Variants in TMEM232 observed in about 807,000 individuals in gnomAD.
The protein encoded by TMEM232 is transmembrane protein 232.
A neutral mutation model predicts 78.8 loss-of-function variants in TMEM232; 80 were observed. The observed-to-expected ratio is 1.01, with a 90% CI of 0.85 to 1.22. The LOEUF (loss-of-function observed/expected upper bound fraction) is 1.22. Ranked by LOEUF, TMEM232 falls within the 50% of genes most tolerant of loss-of-function variation. TMEM232 has a pLI of 0.00. For missense variants in TMEM232, 881 were observed against 742.2 expected, an observed-to-expected ratio of 1.19 and a Z score of -2.17; for synonymous variants, 297 against 254.3, an observed-to-expected ratio of 1.17 and a Z score of -1.60.
intron 6 of TMEM232, among the ~76,000 whole-genome samples, chr5:110,626,456 A>G (rs1039575791): frequency 4.6e-5 from 7 of 152,046 alleles, no homozygotes; most frequent in Non-Finnish European, 1.0e-4. Context: ...ATTAGTCTCC[A>G]TAACACTTCT....
intron 4 of TMEM232, among the ~76,000 whole-genome samples, chr5:110,640,035 G>C (rs1786450325): frequency 6.6e-6 from 1 of 152,176 alleles, no homozygotes; most frequent in African/African-American, 2.4e-5. Flanking sequence ...CCTCGGGTTG[G>C]GCAAGGGCCA....
At chr5:110,507,918 G>C (rs1296729375) in intron 12 of TMEM232, among the ~76,000 whole-genome samples, 1 of 152,076 alleles carries the variant, frequency 6.6e-6, no homozygotes, top group Non-Finnish European at 1.5e-5. Flanking sequence ...ATTACTATAT[G>C]TGACTTTTTT....
At chr5:110,609,132 A>T (rs964969016) in intron 8 of TMEM232, among the ~76,000 whole-genome samples, 1 of 152,048 alleles carries the variant, frequency 6.6e-6, no homozygotes, top group Non-Finnish European at 1.5e-5. Context: ...TTTAATTTTT[A>T]AATGGAATTA....
intron 12 of TMEM232, among the ~76,000 whole-genome samples, chr5:110,506,792 A>G (rs143031045): frequency 1.0e-3 from 153 of 152,306 alleles, no homozygotes; most frequent in Non-Finnish European, 1.9e-3. Flanking sequence ...TGGGAAGGAG[A>G]TAAAGTTCCT....
intron 2 of TMEM232, among the ~76,000 whole-genome samples, chr5:110,657,999 A>G (rs1296978598): frequency 6.6e-6 from 1 of 152,192 alleles, no homozygotes; most frequent in Non-Finnish European, 1.5e-5. Context: ...CAGCAGAATG[A>G]AAGAAAGGTC....
downstream of TMEM232, among the ~76,000 whole-genome samples, chr5:110,418,569 A>AT (rs1208320102): frequency 7.2e-5 from 11 of 152,044 alleles, no homozygotes. Context: ...ATATATAAAT[A>AT]TTTTTTTAGC....
chr5:110,505,652 G>A (rs1205252513), intron 12 of TMEM232, among the ~76,000 whole-genome samples: 1 of 152,058 alleles, frequency 6.6e-6, no homozygotes, highest in African/African-American at 2.4e-5. Flanking sequence ...AACTACAGAA[G>A]TGCACAACCA....
At chr5:110,691,867 T>C (rs1167781589) in intron 1 of TMEM232, among the ~76,000 whole-genome samples, 22 of 152,226 alleles carry the variant, frequency 1.4e-4, no homozygotes, top group Non-Finnish European at 1.5e-5. Flanking sequence ...TAACAGAATG[T>C]ATAAATACAG....
intron 12 of TMEM232, among the ~76,000 whole-genome samples, chr5:110,450,864 G>C (rs1760197676): frequency 6.6e-6 from 1 of 152,130 alleles, no homozygotes; most frequent in African/African-American, 2.4e-5. Context: ...TGAAACTTCT[G>C]AGTTAAGTTA....
In TMEM232 at chr5:110,708,211, C is replaced by G. The variant is rs139705703; in HGVS notation, c.-13+18416G>C. Among the ~76,000 whole-genome samples, 748 of 152,206 alleles carry G rather than the reference C, an allele frequency of 4.9e-3. 2 individuals carry two copies. Among genetic ancestry groups the G allele is most frequent in the Non-Finnish European group, 7.6e-3 (520 of 68,008 alleles). On this transcript the variant is annotated intron_variant, in intron 1 of 13. Coordinates refer to ENST00000455884, the MANE Select transcript of TMEM232 (RefSeq NM_001039763.4). ...TAGCAGGGATAGAGCAACAAGCAGG[C>G]TCTTGGAATCCTGAATAGTATATAT...
At chr5:110,429,913 C>A (rs1373431587) in intron 12 of TMEM232, 1 of 151,668 alleles carries the variant, frequency 6.6e-6, no homozygotes, top group Non-Finnish European at 1.5e-5. Flanking sequence ...CTACCATAAC[C>A]TTTTCTTTAG....
At chr5:110,577,138 A>G (rs572701046) in intron 10 of TMEM232, among the ~76,000 whole-genome samples, 30 of 152,244 alleles carry the variant, frequency 2.0e-4, no homozygotes, top group Middle Eastern at 3.4e-3. Flanking sequence ...TATCTGACAA[A>G]TATCTAACAT....
At chr5:110,483,748 A>AT (rs1764165581) in intron 12 of TMEM232, among the ~76,000 whole-genome samples, 1 of 150,160 alleles carries the variant, frequency 6.7e-6, no homozygotes, top group Non-Finnish European at 1.5e-5. Context: ...TTAAAGTATA[A>AT]TAAAAAAAAA....
intron 1 of TMEM232, among the ~76,000 whole-genome samples, chr5:110,702,665 C>G (rs565613653): frequency 6.6e-6 from 1 of 152,014 alleles, no homozygotes; most frequent in Non-Finnish European, 1.5e-5. Flanking sequence ...ACAGGATTTA[C>G]AGGAGACACT....
At chr5:110,476,767 T>C (rs1025311040) in intron 12 of TMEM232, among the ~76,000 whole-genome samples, 22 of 152,056 alleles carry the variant, frequency 1.4e-4, no homozygotes, top group African/African-American at 5.3e-4. Context: ...CATTCTAATG[T>C]TTTTATGAAT....
intron 2 of TMEM232, among the ~76,000 whole-genome samples, chr5:110,407,552 G>A (rs181663282): frequency 7.8e-4 from 118 of 152,140 alleles, no homozygotes; most frequent in African/African-American, 2.3e-3. Flanking sequence ...AGACCTAAAC[G>A]GGGAGATAGA....
chr5:110,679,148 T>A (rs1288736682), intron 1 of TMEM232, among the ~76,000 whole-genome samples: 1 of 152,176 alleles, frequency 6.6e-6, no homozygotes, highest in African/African-American at 2.4e-5. Context: ...CCCACCAGCA[T>A]CAAATGAGAG....
chr5:110,388,856 G>A (rs1490134478), intron 4 of TMEM232, among the ~76,000 whole-genome samples: 2 of 152,180 alleles, frequency 1.3e-5, no homozygotes, highest in African/African-American at 4.8e-5. Flanking sequence ...CAGGAAAGAT[G>A]AGCAAGGTAT....
intron 2 of TMEM232, among the ~76,000 whole-genome samples, chr5:110,663,737 G>A (rs1209307178): frequency 7.1e-6 from 1 of 141,196 alleles, no homozygotes; most frequent in Non-Finnish European, 1.5e-5. Flanking sequence ...AAATGTGTGT[G>A]TGTGTGTATG....
Sources: allele counts gnomAD v4.1 joint callset (sites outside exome capture counted in the v4.1 genomes callset), GRCh38; gene constraint gnomAD v4.1.1; transcripts MANE v1.5; gene names NCBI Gene and HGNC (gene_info 2026-07-23, HGNC 2026-07-21).